Variants in TET2 observed in about 807,000 individuals in gnomAD.
TET2 encodes tet methylcytosine dioxygenase 2.
TET2 carries 299 observed loss-of-function variants against 142.9 expected under a neutral mutation model. That is an observed-to-expected ratio of 2.09 (90% CI 1.90 to 2.30). The LOEUF is 2.30. Ranked by LOEUF, TET2 falls within the 30% of genes most tolerant of loss-of-function variation. TET2 has a pLI of 0.00. For missense variants in TET2, 2,418 were observed against 2,378.0 expected (o/e 1.02, Z -0.35); for synonymous variants, 819 against 849.0 (o/e 0.96, Z 0.61).
chr4:105,235,089 C>T lies in TET2; in HGVS notation c.1147C>T (p.Gln383Ter), dbSNP rs1553913713. Residue 383 changes from glutamine to a stop codon, truncating the protein, a stop_gained, in exon 3 of 11, where the codon CAA (glutamine) becomes TAA (stop). Coordinates refer to ENST00000380013, the MANE Select transcript of TET2 (RefSeq NM_001127208.3). LOFTEE classifies it high-confidence loss of function. ...TGAAATGAATGGTGCTTACTTCAAG[C>T]AAAGCTCAGTGTTCACTAAGGATTC... ...QNEMNGAYFK[Q>*]SSVFTKDSFS... is the part of the protein sequence containing the mutation. 1.2e-6 allele frequency: 2 copies of T among 1,614,048 alleles called. No individual in the cohort carries two copies. Among genetic ancestry groups the T allele is most frequent in the Non-Finnish European group, 1.7e-6 (2 of 1,179,992 alleles).
chr4:105,191,524 A>G (rs955825831), intron 2 of TET2, among the ~76,000 whole-genome samples: 11 of 152,018 alleles, frequency 7.2e-5, no homozygotes, highest in Non-Finnish European at 1.6e-4. Flanking sequence ...TTTTTTGTCT[A>G]TAATCCTTTT....
chr4:105,269,005 A>G (rs1388023396), intron 8 of TET2, among the ~76,000 whole-genome samples: 1 of 152,180 alleles, frequency 6.6e-6, no homozygotes, highest in African/African-American at 2.4e-5. Context: ...AAAGTTTGAT[A>G]TTGACATACC....
intron 2 of TET2, chr4:105,190,771 A>C: frequency 2.7e-6 from 1 of 374,422 alleles, no homozygotes; most frequent in Non-Finnish European, 4.8e-6. Context: ...TTTTAAAAAG[A>C]GGTAAGGATT....
intron 1 of TET2, among the ~76,000 whole-genome samples, chr4:105,181,923 A>T (rs181177359): frequency 6.6e-6 from 1 of 152,190 alleles, no homozygotes; most frequent in African/African-American, 2.4e-5. Context: ...AAATTCTGTT[A>T]TCTCGGTTAT....
Position 105,272,774 on chromosome 4 carries a change from C to T in TET2, c.4393C>T (p.Arg1465Ter), listed in dbSNP as rs1235228377. The T allele has an allele frequency of 1.3e-5, 20 of 1,551,360 alleles. No individual in the cohort carries two copies. The highest frequency in any genetic ancestry group is 2.4e-5 in the East Asian group (1 of 40,922). The stretch of plus-strand genomic sequence containing the variant: ...GTTAGCAGAGCCAGTCAAGACTTGC[C>T]GACAAAGGAAACTAGAAGCCAAGAA... Reference protein sequence around the residue: ...RMLAEPVKTCRQRKLEAKKAA... With the variant: ...RMLAEPVKTC Residue 1465 changes from arginine (R) to a stop codon, truncating the protein, a stop_gained, in exon 10 of 11, where the codon CGA becomes TGA. Coordinates refer to ENST00000380013, the MANE Select transcript of TET2 (RefSeq NM_001127208.3). LOFTEE classifies it high-confidence loss of function.
chr4:105,241,478 A>G (rs1179466804), intron 4 of TET2, 49 bp downstream of exon 4: 1 of 1,514,394 alleles, frequency 6.6e-7, no homozygotes, highest in South Asian at 1.3e-5. Flanking sequence ...CCTTTTGTAT[A>G]TGTCAGAATT....
chr4:105,235,745 C>A lies in TET2; in HGVS notation c.1803C>A (p.Thr601=). 6.2e-7 allele frequency: 1 copy of A among 1,614,142 alleles called. No individual in the cohort carries two copies. The highest frequency in any genetic ancestry group is 1.6e-4 in the Middle Eastern group (1 of 6,062). ...QYQPNLSNQM[T]SKQYTGNSNM... ...AACCCAATCTCTCCAATCAAATGAC[C>A]TCCAAACAATACACTGGAAATTCCA... Residue 601 remains threonine, a synonymous_variant, in exon 3 of 11, where the codon ACC becomes ACA. Coordinates refer to ENST00000380013, the MANE Select transcript of TET2 (RefSeq NM_001127208.3).
chr4:105,172,655 T>C (rs1724541102), intron 1 of TET2: 1 of 152,198 alleles, frequency 6.6e-6, no homozygotes. Context: ...ATGAAAAAAA[T>C]AGTGTTCCAT....
chr4:105,264,155 T>A (rs1730580548), intron 8 of TET2, among the ~76,000 whole-genome samples: 1 of 152,110 alleles, frequency 6.6e-6, no homozygotes, highest in South Asian at 2.1e-4. Flanking sequence ...GATGGTCTAT[T>A]TGTAAGTTAT....
intron 3 of TET2, 169 bp from the exon 4 acceptor site, chr4:105,241,170 C>A: frequency 7.8e-7 from 1 of 1,276,870 alleles, no homozygotes; most frequent in Non-Finnish European, 1.0e-6. Context: ...AATTATGTGG[C>A]ACATTTTCTA....
At chr4:105,150,497 C>G (rs1301867548) in intron 1 of TET2, among the ~76,000 whole-genome samples, 1 of 152,158 alleles carries the variant, frequency 6.6e-6, no homozygotes, top group Non-Finnish European at 1.5e-5. Context: ...AGTATTTGTT[C>G]ATCAGAATAA....
At chr4:105,189,494 CT>C (rs34271781) in intron 1 of TET2, among the ~76,000 whole-genome samples, 1 of 151,084 alleles carries the variant, frequency 6.6e-6, no homozygotes, top group Non-Finnish European at 1.5e-5. Context: ...TCAGAGAGAG[CT>C]TTTTAATCTC....
In TET2 at chr4:105,235,648, CCCCT is replaced by C; in HGVS notation, c.1708_1711del (p.Pro570ValfsTer9). ...AAACCAGGATGGATTGAATTGAAGG[CCCCT>C]CGTTTTCACCAAGCGGAATCCCATC... is the stretch of plus-strand genomic sequence containing the variant. On this transcript the variant is annotated frameshift_variant, in exon 3 of 11. Transcript: ENST00000380013. LOFTEE classifies it high-confidence loss of function. 6.2e-7 allele frequency: 1 copy of C among 1,614,120 alleles called. No homozygotes were observed. Among genetic ancestry groups the C allele is most frequent in the Non-Finnish European group, 8.5e-7 (1 of 1,179,998 alleles).
intron 3 of TET2, chr4:105,240,485 A>G (rs1729233058): frequency 3.7e-6 from 4 of 1,076,824 alleles, no homozygotes; most frequent in Non-Finnish European, 4.6e-6. Flanking sequence ...GAAAAGACAA[A>G]TGTTAAATTA....
At chr4:105,167,263 A>G (rs1395021867) in intron 1 of TET2, among the ~76,000 whole-genome samples, 2 of 152,084 alleles carry the variant, frequency 1.3e-5, no homozygotes, top group Non-Finnish European at 2.9e-5. Flanking sequence ...CAAATCATAT[A>G]AAATGTATTA....
chr4:105,232,410 A>G (rs1728562633), intron 2 of TET2, among the ~76,000 whole-genome samples: 1 of 152,218 alleles, frequency 6.6e-6, no homozygotes, highest in Non-Finnish European at 1.5e-5. Flanking sequence ...GTCAGATGGC[A>G]ATTCTAAGTC....
chr4:105,164,972 TAGC>T (rs1724077077), intron 1 of TET2, among the ~76,000 whole-genome samples: 1 of 152,304 alleles, frequency 6.6e-6, no homozygotes, highest in Admixed American at 6.5e-5. Context: ...TATTAAATGA[TAGC>T]AGGCATGATT....
intron 1 of TET2, among the ~76,000 whole-genome samples, chr4:105,158,381 G>C (rs890026662): frequency 6.6e-6 from 1 of 152,086 alleles, no homozygotes; most frequent in Admixed American, 6.6e-5. Flanking sequence ...AGGTGTTTAA[G>C]GAATGGAGTT....
At chr4:105,173,644 C>A (rs1475294439) in intron 1 of TET2, among the ~76,000 whole-genome samples, 2 of 152,112 alleles carry the variant, frequency 1.3e-5, no homozygotes, top group African/African-American at 4.8e-5. Flanking sequence ...TAATTTGCTA[C>A]AAGAATGCAA....
Sources: gnomAD v4.1 joint callset for allele counts (sites outside exome capture counted in the v4.1 genomes callset) on GRCh38, gnomAD v4.1.1 for gene constraint, MANE v1.5 for transcripts, NCBI Gene and HGNC (gene_info 2026-07-23, HGNC 2026-07-21) for gene names.